Variants in INTS6L observed in about 807,000 individuals in gnomAD.
INTS6L encodes the protein integrator complex subunit 6-like.
In INTS6L, 18 loss-of-function variants were observed where a neutral mutation model predicts 64.7. That is an observed-to-expected ratio of 0.28 (90% CI 0.19 to 0.41). INTS6L has a LOEUF of 0.41. Among genes scored for constraint, INTS6L ranks in the 10% least tolerant of loss-of-function variants. The pLI is 1.00. For missense variants in INTS6L, 533 were observed against 661.0 expected (o/e 0.81, Z 2.12); for synonymous variants, 227 against 235.9 (o/e 0.96, Z 0.34).
intron 6 of INTS6L, among the ~76,000 whole-genome samples, chrX:135,548,028 T>C (rs1391829569): frequency 3.4e-5 from 3 of 89,516 alleles, no homozygotes; most frequent in Non-Finnish European, 6.6e-5. Context: ...TATGTGTATA[T>C]GTATGTAAAT....
At chrX:135,566,079 T>C (rs2086939576) in intron 9 of INTS6L, among the ~76,000 whole-genome samples, 1 of 111,728 alleles carries the variant, frequency 9.0e-6, no homozygotes, top group Non-Finnish European at 1.9e-5. Context: ...ACATTTATAG[T>C]GGTTAAGAGT....
chrX:135,575,057 T>C, intron 13 of INTS6L, 27 bp from the exon 14 acceptor site: 2 of 1,206,818 alleles, frequency 1.7e-6, no homozygotes, highest in Non-Finnish European at 2.2e-6. Flanking sequence ...GCTATAAGCA[T>C]CAATTTCTTT....
intron 9 of INTS6L, among the ~76,000 whole-genome samples, chrX:135,559,479 C>T (rs1162787520): frequency 8.9e-6 from 1 of 112,231 alleles, no homozygotes; most frequent in Non-Finnish European, 1.9e-5. Context: ...ATAGTTTGTT[C>T]CTCTTCACTG....
Position 135,579,945 on chromosome X carries a change from A to G in INTS6L, c.2277A>G (p.Thr759=). Reference sequence around the variant, plus strand: ...TGGATTCTCTGTCTGACGACTTCACAAGTCTCAGCAAAGATGGGCTGATTC... The same window carrying G: ...TGGATTCTCTGTCTGACGACTTCACGAGTCTCAGCAAAGATGGGCTGATTC... The part of the protein sequence containing the change: ...NQVDSLSDDF[T]SLSKDGLIQK... The change falls in exon 16 of 18, where the codon ACA becomes ACG. Residue 759 remains threonine, a synonymous_variant. Coordinates refer to ENST00000639893, the MANE Select transcript of INTS6L (RefSeq NM_001351601.3). 14 of 1,211,738 alleles carry G rather than the reference A, an allele frequency of 1.2e-5. No individual in the cohort carries two copies. Among genetic ancestry groups the G allele is most frequent in the Non-Finnish European group, 1.6e-5 (14 of 895,508 alleles).
In INTS6L at chrX:135,569,258, A is replaced by G. The variant is rs1556526312; in HGVS notation, c.1193-79A>G. On this transcript the variant is annotated intron_variant, in intron 9 of 17. Coordinates refer to ENST00000639893, the MANE Select transcript of INTS6L (RefSeq NM_001351601.3). Reference sequence around the variant, plus strand: ...AATTTTCATCTACATTAAAAGCTGAAGTTTCTAGATGTGGGTTGCTTGATT... The same window carrying G: ...AATTTTCATCTACATTAAAAGCTGAGGTTTCTAGATGTGGGTTGCTTGATT... The G allele has an allele frequency of 5.2e-6, 3 of 572,557 alleles. No homozygotes were observed. The African/African-American group carries it at 7.1e-5, about 13-fold the overall frequency. The allele number at this position is 572,557 out of a possible 1,213,427, so 47.2% of individuals were successfully genotyped here.
At position 135,574,028 on chromosome X, in the gene INTS6L, G is replaced by A; in HGVS notation, c.1707G>A (p.Leu569=). The A allele has an allele frequency of 1.7e-6, 2 of 1,201,498 alleles. No homozygotes were observed. Among genetic ancestry groups the A allele is most frequent in the Non-Finnish European group, 2.2e-6 (2 of 892,042 alleles). The change falls in exon 13 of 18, where the codon CTG becomes CTA. Residue 569 remains leucine (L), a synonymous_variant. Transcript: ENST00000639893. ...TGACCAGAATGAGATCCAATCTGCT[G>A]AAAACGCACAAGTTTATTGTTGGAC... ...DQLTRMRSNL[L]KTHKFIVGQD... is the part of the protein sequence containing the mutation.
chrX:135,562,385 CTT>C (rs1180141443), intron 9 of INTS6L, among the ~76,000 whole-genome samples: 1 of 112,223 alleles, frequency 8.9e-6, no homozygotes, highest in Non-Finnish European at 1.9e-5. Flanking sequence ...GATATCTACT[CTT>C]ATAAATATGT....
chrX:135,545,676 C>T (rs1453493530), intron 3 of INTS6L, 104 bp downstream of exon 3: 2 of 823,408 alleles, frequency 2.4e-6, no homozygotes, highest in Non-Finnish European at 3.4e-6. Context: ...TTCATAACCT[C>T]CAAAAATGAG....
At chrX:135,526,822 T>C (rs1556501463) in intron 2 of INTS6L, among the ~76,000 whole-genome samples, 1 of 111,673 alleles carries the variant, frequency 9.0e-6, no homozygotes, top group Non-Finnish European at 1.9e-5. Flanking sequence ...AGCAATATGT[T>C]AAGTGTCAAA....
chrX:135,578,942 T>C (rs1181329464), intron 15 of INTS6L, among the ~76,000 whole-genome samples: 6 of 111,732 alleles, frequency 5.4e-5, no homozygotes, highest in Non-Finnish European at 1.1e-4. Context: ...GAAGGGACCC[T>C]GAACCAGCTT....
intron 2 of INTS6L, among the ~76,000 whole-genome samples, chrX:135,528,871 C>T (rs2085820339): frequency 1.4e-5 from 1 of 69,786 alleles, no homozygotes. Context: ...TGAACACCCC[C>T]CCCCCCGACC....
intron 6 of INTS6L, among the ~76,000 whole-genome samples, chrX:135,548,550 A>AT (rs1225931843): frequency 9.0e-6 from 1 of 111,340 alleles, no homozygotes; most frequent in African/African-American, 3.3e-5. Context: ...AATGGCACAG[A>AT]TTTTTTTTCT....
intron 2 of INTS6L, among the ~76,000 whole-genome samples, chrX:135,538,632 C>G (rs782445705): frequency 8.9e-6 from 1 of 112,405 alleles, no homozygotes; most frequent in South Asian, 3.7e-4. Context: ...CAACTTTTCC[C>G]AGACGCATCA....
At chrX:135,540,553 C>A (rs1180732393) in intron 2 of INTS6L, among the ~76,000 whole-genome samples, 3 of 111,079 alleles carry the variant, frequency 2.7e-5, no homozygotes, top group Non-Finnish European at 5.7e-5. Context: ...TTCTTTAGGC[C>A]TCTTGTAATC....
In INTS6L at chrX:135,581,742, G is replaced by C; in HGVS notation, c.*106G>C. 3 of 642,807 alleles carry C rather than the reference G, an allele frequency of 4.7e-6. No homozygotes were observed. The highest frequency in any genetic ancestry group is 7.5e-5 in the East Asian group (2 of 26,782). 53.0% of individuals were successfully genotyped at this position (642,807 alleles called of 1,213,427 possible). On this transcript the variant is annotated 3_prime_UTR_variant, in exon 18 of 18. Coordinates refer to ENST00000639893, the MANE Select transcript of INTS6L (RefSeq NM_001351601.3). ...TTTGAGTCAAGGGAATTGCTTTCCA[G>C]ATGCTAAGAAGCAGCAGTGGGGCTT...
rs576358286 is a variant in INTS6L at position 135,525,326 on chromosome X, T to G, written c.189+4008T>G. On this transcript the variant is annotated intron_variant, in intron 2 of 17. Coordinates refer to ENST00000639893, the MANE Select transcript of INTS6L (RefSeq NM_001351601.3). ...ATGTTGGAAGCTACTTAAAATTATTTCTTTTTTGTTGAAGGAAATTATCTT... is the reference window on the plus strand; with the variant it reads ...ATGTTGGAAGCTACTTAAAATTATTGCTTTTTTGTTGAAGGAAATTATCTT... 7.9e-4 allele frequency among the ~76,000 whole-genome samples: 89 copies of G among 112,580 alleles called. No homozygotes were observed. The South Asian group carries it at 0.017, about 21-fold the overall frequency.
At chrX:135,577,156 G>T in intron 14 of INTS6L, 37 bp from the exon 15 acceptor site, 1 of 1,180,307 alleles carries the variant, frequency 8.5e-7, no homozygotes. Flanking sequence ...TGGAATTTTG[G>T]TCTTTAATGA....
At chrX:135,529,080 A>G (rs782170774) in intron 2 of INTS6L, among the ~76,000 whole-genome samples, 3 of 111,992 alleles carry the variant, frequency 2.7e-5, no homozygotes, top group South Asian at 3.7e-4. Context: ...TGGGCTAAGT[A>G]TAATGGAATA....
intron 2 of INTS6L, among the ~76,000 whole-genome samples, chrX:135,530,919 A>G (rs1357011886): frequency 9.0e-6 from 1 of 111,247 alleles, no homozygotes; most frequent in East Asian, 2.8e-4. Flanking sequence ...ATCTTAAACC[A>G]TTTTCCCCTG....
Sources: gnomAD v4.1 joint callset for allele counts (sites outside exome capture counted in the v4.1 genomes callset) on GRCh38, gnomAD v4.1.1 for gene constraint, MANE v1.5 for transcripts, NCBI Gene and HGNC (gene_info 2026-07-23, HGNC 2026-07-21) for gene names.